The following TBC1D5 variants were observed in gnomAD, a reference collection of about 807,000 sequenced individuals.
TBC1D5 encodes the protein TBC1 domain family member 5.
TBC1D5 carries 75 observed loss-of-function variants against 100.3 expected under a neutral mutation model. The observed-to-expected ratio is 0.75, with a 90% confidence interval of 0.62 to 0.91. The LOEUF (loss-of-function observed/expected upper bound fraction) is 0.91. Ranked by LOEUF, TBC1D5 falls within the 40% of genes least tolerant of loss-of-function variation. TBC1D5 has a pLI of 0.00. For missense variants in TBC1D5, 910 were observed against 942.4 expected (o/e 0.97, Z 0.45); for synonymous variants, 323 against 325.6 (o/e 0.99, Z 0.09).
intron 16 of TBC1D5, among the ~76,000 whole-genome samples, chr3:17,244,428 C>T (rs2076557256): frequency 6.6e-6 from 1 of 152,196 alleles, no homozygotes; most frequent in Non-Finnish European, 1.5e-5. Flanking sequence ...CCTATTTTCC[C>T]TGTGTCCTTA....
chr3:17,469,004 T>C (rs1576185484), intron 3 of TBC1D5, among the ~76,000 whole-genome samples: 2 of 152,180 alleles, frequency 1.3e-5, no homozygotes, highest in Admixed American at 6.5e-5. Context: ...AGGGAATTAA[T>C]ATTTCCCGAA....
At chr3:17,420,639 TC>T (rs2094186248) in intron 4 of TBC1D5, among the ~76,000 whole-genome samples, 1 of 152,226 alleles carries the variant, frequency 6.6e-6, no homozygotes, top group South Asian at 2.1e-4. Flanking sequence ...TGCATTATTT[TC>T]TGATACTTCA....
At chr3:17,722,756 C>T (rs2075807593) in intron 1 of TBC1D5, among the ~76,000 whole-genome samples, 2 of 152,164 alleles carry the variant, frequency 1.3e-5, no homozygotes, top group South Asian at 4.1e-4. Context: ...GATTGCATTA[C>T]TAAGTGGTGG....
In TBC1D5 at chr3:17,372,480, C is replaced by T. The variant is rs118166672; in HGVS notation, c.823-233G>A. ...CATTCATATATAAGGGTAATTAAGA[C>T]GAATGTTCAAAAGTCACATCTATTA... is the stretch of plus-strand genomic sequence containing the variant. On this transcript the variant is annotated intron_variant, in intron 12 of 21. Coordinates refer to ENST00000253692, the Ensembl canonical transcript of TBC1D5. Among the ~76,000 whole-genome samples the T allele has an allele frequency of 7.2e-4, 109 of 152,128 alleles. 2 individuals carry two copies. In the East Asian group the frequency reaches 0.019, roughly 26 times the overall value.
chr3:17,530,767 T>C (rs995099297), intron 2 of TBC1D5, among the ~76,000 whole-genome samples: 1 of 152,162 alleles, frequency 6.6e-6, no homozygotes, highest in African/African-American at 2.4e-5. Flanking sequence ...GAAAAGGCCT[T>C]TGACAAAATT....
intron 1 of TBC1D5, among the ~76,000 whole-genome samples, chr3:17,696,508 G>A (rs945284968): frequency 6.6e-6 from 1 of 152,152 alleles, no homozygotes; most frequent in Non-Finnish European, 1.5e-5. Context: ...AGAAGAAATA[G>A]ATGAATTCCT....
At chr3:17,270,130 CT>C (rs1393028222) in intron 15 of TBC1D5, among the ~76,000 whole-genome samples, 1 of 152,106 alleles carries the variant, frequency 6.6e-6, no homozygotes, top group Admixed American at 6.5e-5. Context: ...TAAGAGTTCC[CT>C]TTTCTCCGCA....
Position 17,599,563 on chromosome 3 carries a change from G to T in TBC1D5, c.-36+24286C>A, listed in dbSNP as rs543886961. ...TTGATTCTTCCTGGATGCCGAACAA[G>T]AACCCGGGTACAAAGAAGGCAGTGT... On this transcript the variant is annotated intron_variant, in intron 2 of 21. Transcript: ENST00000253692. 3.9e-5 allele frequency among the ~76,000 whole-genome samples: 6 copies of T among 152,160 alleles called. No individual in the cohort carries two copies. In the East Asian group the frequency reaches 1.2e-3, roughly 29 times the overall value.
At chr3:17,227,156 A>C (rs1458415302) in intron 17 of TBC1D5, among the ~76,000 whole-genome samples, 1 of 152,182 alleles carries the variant, frequency 6.6e-6, no homozygotes, top group East Asian at 1.9e-4. Context: ...TGTGTGCGCA[A>C]AAGGGGGAGT....
intron 3 of TBC1D5, among the ~76,000 whole-genome samples, chr3:17,442,280 G>C (rs1470038801): frequency 6.6e-6 from 1 of 152,136 alleles, no homozygotes; most frequent in Non-Finnish European, 1.5e-5. Flanking sequence ...TCTAGTTGTA[G>C]AACTATGCTG....
chr3:17,161,708 A>ATGAT (rs1287201217), intron 21 of TBC1D5, among the ~76,000 whole-genome samples: 49 of 152,400 alleles, frequency 3.2e-4, no homozygotes, highest in African/African-American at 1.2e-3. Flanking sequence ...ATGTGTTGTC[A>ATGAT]TGATATAGTG....
At chr3:17,591,183 C>A (rs1428493095) in intron 2 of TBC1D5, among the ~76,000 whole-genome samples, 1 of 129,658 alleles carries the variant, frequency 7.7e-6, no homozygotes, top group East Asian at 2.6e-4. Flanking sequence ...TTGCAGTGAG[C>A]CGAGATTGCG....
At chr3:17,214,410 T>C in intron 17 of TBC1D5, 40 bp from the exon 19 acceptor site, 1 of 1,587,160 alleles carries the variant, frequency 6.3e-7, no homozygotes, top group South Asian at 1.1e-5. Flanking sequence ...AACACCAGAC[T>C]CTTTCACTAA....
At position 17,616,290 on chromosome 3, in the gene TBC1D5, G is replaced by A. The variant is rs150781064; in HGVS notation, c.-36+7559C>T. ...ATTTATGTTCTTTTACATTTGCTGA[G>A]GAGTGCTTTACTTCCAATTATGTGG... On this transcript the variant is annotated intron_variant, in intron 2 of 21. Coordinates refer to ENST00000253692, the Ensembl canonical transcript of TBC1D5. Among the ~76,000 whole-genome samples the A allele has an allele frequency of 1.8e-3, 274 of 152,294 alleles. 1 individual carries two copies. The highest frequency in any genetic ancestry group is 5.3e-3 in the Admixed American group (81 of 15,292).
chr3:17,437,287 A>G (rs1055073555), intron 3 of TBC1D5, among the ~76,000 whole-genome samples: 1 of 152,202 alleles, frequency 6.6e-6, no homozygotes, highest in African/African-American at 2.4e-5. Flanking sequence ...TTCTGCTATG[A>G]TAACACAAAA....
chr3:17,607,789 T>G (rs2061428046), intron 2 of TBC1D5, among the ~76,000 whole-genome samples: 1 of 152,098 alleles, frequency 6.6e-6, no homozygotes, highest in Non-Finnish European at 1.5e-5. Context: ...TTTCTGAAGT[T>G]TACTAGAGGT....
intron 19 of TBC1D5, among the ~76,000 whole-genome samples, chr3:17,178,223 G>A (rs1393567094): frequency 1.3e-4 from 19 of 151,930 alleles, no homozygotes; most frequent in African/African-American, 2.9e-4. Flanking sequence ...CCACCACCAC[G>A]CCTGGCTAAT....
chr3:17,218,834 T>A (rs1323167486), intron 17 of TBC1D5, among the ~76,000 whole-genome samples: 1 of 151,966 alleles, frequency 6.6e-6, no homozygotes. Flanking sequence ...CTTTCAATAC[T>A]CTCTTTGTTG....
At chr3:17,633,200 G>C (rs1364514308) in intron 1 of TBC1D5, among the ~76,000 whole-genome samples, 1 of 152,182 alleles carries the variant, frequency 6.6e-6, no homozygotes, top group Non-Finnish European at 1.5e-5. Flanking sequence ...ACTTCAGGAG[G>C]CCGAGGCGAG....
Sources: gnomAD v4.1 joint callset for allele counts (sites outside exome capture counted in the v4.1 genomes callset) on GRCh38, gnomAD v4.1.1 for gene constraint, MANE v1.5 for transcripts, NCBI Gene and HGNC (gene_info 2026-07-23, HGNC 2026-07-21) for gene names.